Variants in TBXAS1 observed in about 807,000 individuals in gnomAD.
The protein encoded by TBXAS1 is thromboxane-A synthase.
In TBXAS1, 48 loss-of-function variants were observed where a neutral mutation model predicts 60.7. The observed-to-expected ratio is 0.79, with a 90% CI of 0.63 to 1.01. The LOEUF (loss-of-function observed/expected upper bound fraction) is 1.01, where lower values mean the gene tolerates loss of function less well. Ranked by LOEUF, TBXAS1 falls within the 50% of genes least tolerant of loss-of-function variation. TBXAS1 has a pLI of 0.00. For missense variants in TBXAS1, 685 were observed against 686.3 expected (o/e 1.00, Z 0.02); for synonymous variants, 287 against 269.7 (o/e 1.06, Z -0.63).
At chr7:140,008,024 G>T (rs1431590876) in intron 10 of TBXAS1, among the ~76,000 whole-genome samples, 1 of 152,126 alleles carries the variant, frequency 6.6e-6, no homozygotes, top group African/African-American at 2.4e-5. Context: ...CAGATTTCAG[G>T]CTCTAGAAAC....
At chr7:139,998,909 G>T (rs1813477142) in intron 9 of TBXAS1, among the ~76,000 whole-genome samples, 1 of 152,174 alleles carries the variant, frequency 6.6e-6, no homozygotes, top group South Asian at 2.1e-4. Context: ...TTATGAGACG[G>T]GTTCTGTCCC....
At chr7:139,878,515 A>G (rs2116854264) in intron 3 of TBXAS1, among the ~76,000 whole-genome samples, 1 of 152,354 alleles carries the variant, frequency 6.6e-6, no homozygotes, top group East Asian at 1.9e-4. Context: ...TCCTTTGGAA[A>G]AAAAAAGATG....
At chr7:139,784,010 T>TG (rs1456962779) in intron 3 of TBXAS1, among the ~76,000 whole-genome samples, 1 of 107,146 alleles carries the variant, frequency 9.3e-6, no homozygotes, top group Admixed American at 8.9e-5. Context: ...TAGTTTTTTT[T>TG]GTTTTTTTTT....
chr7:139,836,118 A>C (rs1799045681), intron 1 of TBXAS1, among the ~76,000 whole-genome samples: 1 of 151,930 alleles, frequency 6.6e-6, no homozygotes, highest in South Asian at 2.1e-4. Context: ...CAAAGAGTTG[A>C]AAAGCCTCTA....
At chr7:139,847,561 C>T (rs1382445961) in intron 1 of TBXAS1, among the ~76,000 whole-genome samples, 2 of 152,206 alleles carry the variant, frequency 1.3e-5, no homozygotes, top group Non-Finnish European at 2.9e-5. Flanking sequence ...AACCAACCAA[C>T]TCACTAACCG....
intron 10 of TBXAS1, among the ~76,000 whole-genome samples, chr7:140,011,285 C>CA (rs749582672): frequency 0.16 from 1,027 of 6,234 alleles, 10 homozygotes; most frequent in Non-Finnish European, 0.43. Context: ...TCAAAAAAAA[C>CA]AAACAAACAA....
chr7:139,971,698 T>C (rs1811210319), intron 9 of TBXAS1, among the ~76,000 whole-genome samples: 1 of 152,128 alleles, frequency 6.6e-6, no homozygotes, highest in Non-Finnish European at 1.5e-5. Flanking sequence ...CCGCTCTGCC[T>C]GGGAGCTGCT....
intron 1 of TBXAS1, among the ~76,000 whole-genome samples, chr7:139,849,586 C>A (rs41707): frequency 2.6e-5 from 4 of 151,662 alleles, no homozygotes; most frequent in Non-Finnish European, 5.9e-5. Flanking sequence ...AACCTGGGGA[C>A]GTACCTAGGA....
intron 5 of TBXAS1, chr7:139,952,792 C>A: frequency 8.1e-7 from 1 of 1,229,652 alleles, no homozygotes; most frequent in Admixed American, 3.1e-5. Context: ...TCAAGGTTTT[C>A]CCAGTATTCG....
chr7:139,984,833 G>GAGGA (rs1389633537), intron 9 of TBXAS1, among the ~76,000 whole-genome samples: 5 of 142,320 alleles, frequency 3.5e-5, no homozygotes, highest in East Asian at 2.0e-4. Flanking sequence ...AAGAAAGAAA[G>GAGGA]AGGAAGGAAG....
At chr7:139,855,042 G>A (rs1191823137) in intron 1 of TBXAS1, among the ~76,000 whole-genome samples, 4 of 152,132 alleles carry the variant, frequency 2.6e-5, no homozygotes, top group South Asian at 2.1e-4. Context: ...TTTAATCCCC[G>A]ATGTGGTAGT....
intron 10 of TBXAS1, among the ~76,000 whole-genome samples, chr7:140,015,374 T>G (rs1814943022): frequency 6.6e-6 from 1 of 152,132 alleles, no homozygotes; most frequent in African/African-American, 2.4e-5. Flanking sequence ...GCCCCCACTA[T>G]GAAAGCAATC....
intron 9 of TBXAS1, among the ~76,000 whole-genome samples, chr7:139,985,278 A>G (rs1812361713): frequency 6.6e-6 from 1 of 152,226 alleles, no homozygotes; most frequent in Admixed American, 6.5e-5. Flanking sequence ...CTGATGTGGC[A>G]GGGTTTCAGG....
At chr7:139,976,257 C>T (rs1338533430) in intron 9 of TBXAS1, among the ~76,000 whole-genome samples, 1 of 152,222 alleles carries the variant, frequency 6.6e-6, no homozygotes, top group Admixed American at 6.5e-5. Context: ...CACCAGCCAG[C>T]TCTTCACTGC....
At chr7:140,010,601 C>A (rs750920336) in intron 10 of TBXAS1, among the ~76,000 whole-genome samples, 1 of 152,196 alleles carries the variant, frequency 6.6e-6, no homozygotes, top group Non-Finnish European at 1.5e-5. Flanking sequence ...TTTGGAACTG[C>A]GGGTACAGAC....
At chr7:140,000,086 T>C (rs757980208) in intron 9 of TBXAS1, among the ~76,000 whole-genome samples, 7 of 152,120 alleles carry the variant, frequency 4.6e-5, no homozygotes, top group African/African-American at 1.2e-4. Context: ...ATGATAAATA[T>C]AGAAAAGAGA....
At chr7:139,794,849 A>AT (rs1797509854) in intron 4 of TBXAS1, among the ~76,000 whole-genome samples, 1 of 150,370 alleles carries the variant, frequency 6.7e-6, no homozygotes, top group Non-Finnish European at 1.5e-5. Flanking sequence ...TGAACTCATC[A>AT]TTTTTTATGG....
chr7:140,008,186 A>T (rs1814242598), intron 10 of TBXAS1, among the ~76,000 whole-genome samples: 1 of 152,262 alleles, frequency 6.6e-6, no homozygotes, highest in South Asian at 2.1e-4. Flanking sequence ...ATATTTCAAC[A>T]CAAAAGCATT....
At chr7:139,911,598 C>T (rs1452224527) in intron 4 of TBXAS1, among the ~76,000 whole-genome samples, 1 of 152,186 alleles carries the variant, frequency 6.6e-6, no homozygotes, top group Non-Finnish European at 1.5e-5. Flanking sequence ...TTTTCTAAAG[C>T]TGGGTTCAAA....
Sources: gnomAD v4.1 joint callset for allele counts (sites outside exome capture counted in the v4.1 genomes callset) on GRCh38, gnomAD v4.1.1 for gene constraint, MANE v1.5 for transcripts, NCBI Gene and HGNC (gene_info 2026-07-23, HGNC 2026-07-21) for gene names.